TBC1D5: variants seen among roughly 807,000 people sequenced by gnomAD.
TBC1D5 encodes TBC1 domain family, member 5.
Under a neutral mutation model 100.3 loss-of-function variants are expected in TBC1D5, and 75 were observed. That is an observed-to-expected ratio of 0.75 (90% CI 0.62 to 0.91). TBC1D5 has a LOEUF of 0.91. TBC1D5 is among the 40% of genes least tolerant of loss of function. The pLI is 0.00. For missense variants in TBC1D5, 910 were observed against 942.4 expected (o/e 0.97, Z 0.45); for synonymous variants, 323 against 325.6 (o/e 0.99, Z 0.09).
chr3:17,477,298 ATT>A (rs755406921), intron 3 of TBC1D5, among the ~76,000 whole-genome samples: 5 of 152,060 alleles, frequency 3.3e-5, no homozygotes, highest in Non-Finnish European at 7.4e-5. Flanking sequence ...CTAATATTTT[ATT>A]TTTATCCATA....
At chr3:17,308,816 C>T (rs1020922733) in intron 13 of TBC1D5, among the ~76,000 whole-genome samples, 3 of 151,868 alleles carry the variant, frequency 2.0e-5, no homozygotes, top group Non-Finnish European at 2.9e-5. Flanking sequence ...GTATCTATGC[C>T]ACAGAGTAAA....
At chr3:17,444,309 C>T (rs908645445) in intron 3 of TBC1D5, among the ~76,000 whole-genome samples, 7 of 151,992 alleles carry the variant, frequency 4.6e-5, no homozygotes, top group African/African-American at 9.7e-5. Context: ...GATGCAATTA[C>T]ATGAGGATAC....
intron 17 of TBC1D5, among the ~76,000 whole-genome samples, chr3:17,227,313 G>A (rs1038588875): frequency 6.6e-6 from 1 of 151,834 alleles, no homozygotes; most frequent in African/African-American, 2.4e-5. Context: ...GCTTAATCAG[G>A]GCCTGATTAA....
chr3:17,665,189 G>A (rs980953225), intron 1 of TBC1D5, among the ~76,000 whole-genome samples: 68 of 152,176 alleles, frequency 4.5e-4, no homozygotes, highest in African/African-American at 1.5e-3. Flanking sequence ...TAGCCTTTAG[G>A]CTTCCTTAAT....
At chr3:17,697,347 T>C (rs1454196659) in intron 1 of TBC1D5, among the ~76,000 whole-genome samples, 1 of 152,200 alleles carries the variant, frequency 6.6e-6, no homozygotes, top group African/African-American at 2.4e-5. Context: ...ATTGTATATT[T>C]AGAAAACCCC....
At chr3:17,738,020 C>CTAGG (rs1195231088) in intron 1 of TBC1D5, among the ~76,000 whole-genome samples, 3 of 152,314 alleles carry the variant, frequency 2.0e-5, no homozygotes, top group African/African-American at 7.2e-5. Flanking sequence ...TGATCCTGTA[C>CTAGG]TAGGCTTCGC....
At chr3:17,714,158 G>C (rs2075022412) in intron 1 of TBC1D5, among the ~76,000 whole-genome samples, 1 of 152,050 alleles carries the variant, frequency 6.6e-6, no homozygotes, top group Non-Finnish European at 1.5e-5. Flanking sequence ...ACCTGTCTGG[G>C]AGCTACCTTA....
At position 17,500,723 on chromosome 3, in the gene TBC1D5, A is replaced by C. The variant is rs1418378243; in HGVS notation, c.97+7751T>G. On this transcript the variant is annotated intron_variant, in intron 3 of 21. Transcript: ENST00000253692. The stretch of plus-strand genomic sequence containing the variant: ...TTTCCCCTACTTTGATTATTCCTCC[A>C]GTAAGTACTATTAAAATACTTCCTC... Among the ~76,000 whole-genome samples, 2 of 149,610 alleles carry C rather than the reference A, an allele frequency of 1.3e-5. 1 individual carries two copies. Among genetic ancestry groups the C allele is most frequent in the Non-Finnish European group, 2.9e-5 (2 of 67,926 alleles).
chr3:17,177,533 A>G (rs990017880), intron 19 of TBC1D5, among the ~76,000 whole-genome samples: 1 of 152,184 alleles, frequency 6.6e-6, no homozygotes, highest in African/African-American at 2.4e-5. Flanking sequence ...TGAATATGTT[A>G]ACAGGGTTAT....
intron 18 of TBC1D5, among the ~76,000 whole-genome samples, chr3:17,199,323 T>C (rs1248902462): frequency 6.6e-6 from 1 of 152,246 alleles, no homozygotes; most frequent in East Asian, 1.9e-4. Context: ...TTCATCACTG[T>C]CCAGCTAAAA....
chr3:17,407,210 G>A lies in TBC1D5; in HGVS notation c.168-684C>T, dbSNP rs768534711. On this transcript the variant is annotated intron_variant, in intron 4 of 21. Transcript: ENST00000253692. ...ATGCCTCCCAGGCATGCAGACACCAGGGGCCTAACACCTGTGCCTCATTAA... is the reference window on the plus strand; with the variant it reads ...ATGCCTCCCAGGCATGCAGACACCAAGGGCCTAACACCTGTGCCTCATTAA... Among the ~76,000 whole-genome samples the A allele has an allele frequency of 7.2e-5, 11 of 152,124 alleles. No individual in the cohort carries two copies. The East Asian group carries it at 1.7e-3, about 24-fold the overall frequency.
chr3:17,498,458 C>T (rs111377410), intron 3 of TBC1D5, among the ~76,000 whole-genome samples: 3 of 152,064 alleles, frequency 2.0e-5, no homozygotes, highest in African/African-American at 4.8e-5. Context: ...TCAAAGCTTT[C>T]GGTGAGACGT....
chr3:17,560,755 T>C (rs928580861), intron 2 of TBC1D5, among the ~76,000 whole-genome samples: 19 of 151,730 alleles, frequency 1.3e-4, no homozygotes, highest in Admixed American at 9.9e-4. Context: ...ATCCCATCTC[T>C]ACTAAAAATA....
chr3:17,415,642 T>C (rs566650252), intron 4 of TBC1D5, among the ~76,000 whole-genome samples: 1 of 152,220 alleles, frequency 6.6e-6, no homozygotes, highest in African/African-American at 2.4e-5. Context: ...CTTTTAATTG[T>C]ATTAATAATT....
chr3:17,345,633 C>T (rs879012564), intron 13 of TBC1D5, among the ~76,000 whole-genome samples: 17 of 151,434 alleles, frequency 1.1e-4, no homozygotes, highest in Non-Finnish European at 1.3e-4. Flanking sequence ...ATGTTTATTG[C>T]GGCACTATTC....
chr3:17,615,077 A>C (rs2062029643), intron 2 of TBC1D5, among the ~76,000 whole-genome samples: 1 of 152,176 alleles, frequency 6.6e-6, no homozygotes, highest in Non-Finnish European at 1.5e-5. Flanking sequence ...TAGTTTATTG[A>C]GAGTTTTTAG....
chr3:17,481,379 G>C (rs1361335633), intron 3 of TBC1D5, among the ~76,000 whole-genome samples: 2 of 152,222 alleles, frequency 1.3e-5, no homozygotes, highest in African/African-American at 4.8e-5. Flanking sequence ...GATGGAACAA[G>C]TCCAGCAGGC....
intron 1 of TBC1D5, among the ~76,000 whole-genome samples, chr3:17,636,024 C>A (rs1250346878): frequency 6.6e-6 from 1 of 151,984 alleles, no homozygotes; most frequent in Non-Finnish European, 1.5e-5. Context: ...AAAACCCCAC[C>A]TCTACTAAAA....
chr3:17,226,594 G>A (rs1348393267), intron 17 of TBC1D5, among the ~76,000 whole-genome samples: 1 of 152,098 alleles, frequency 6.6e-6, no homozygotes, highest in Non-Finnish European at 1.5e-5. Flanking sequence ...ACTGGTTTGA[G>A]TTGACAAGTA....
Sources: gnomAD v4.1 joint callset for allele counts (sites outside exome capture counted in the v4.1 genomes callset) on GRCh38, gnomAD v4.1.1 for gene constraint, MANE v1.5 for transcripts, NCBI Gene and HGNC (gene_info 2026-07-23, HGNC 2026-07-21) for gene names.